TMEM219: variants seen among roughly 807,000 people sequenced by gnomAD.
TMEM219 encodes transmembrane protein 219, also known as insulin-like growth factor-binding protein 3 receptor.
TMEM219 carries 18 observed loss-of-function variants against 17.9 expected under a neutral mutation model. That is an observed-to-expected ratio of 1.01 (90% CI 0.70 to 1.49). The LOEUF is 1.49. Among genes scored for constraint, TMEM219 ranks in the 40% most tolerant of loss-of-function variants. The pLI is 0.00. For synonymous variants in TMEM219, 113 were observed against 124.0 expected (o/e 0.91, Z 0.59); for missense variants, 288 against 292.4 (o/e 0.99, Z 0.11).
intron 5 of TMEM219, chr16:29,971,805 C>T (rs2069293243): frequency 3.0e-6 from 1 of 338,478 alleles, no homozygotes; most frequent in South Asian, 4.9e-5. Flanking sequence ...ATAGTTAACA[C>T]TTATGTAGAA....
Position 29,971,516 on chromosome 16 carries a change from G to T in TMEM219, c.694G>T (p.Glu232Ter), listed in dbSNP as rs1347117039. 1 of 1,613,706 alleles carries T rather than the reference G, an allele frequency of 6.2e-7. No individual in the cohort carries two copies. Among genetic ancestry groups the T allele is most frequent in the Admixed American group, 1.7e-5 (1 of 59,996 alleles). The change falls in exon 5 of 6, where the codon GAG (glutamate) becomes TAG (stop). Residue 232 changes from glutamate to a stop codon, truncating the protein, a stop_gained. Transcript: ENST00000279396. LOFTEE classifies it high-confidence loss of function. ...VTAMCFHPRR[E>*]SHWSRTRL The stretch of plus-strand genomic sequence containing the variant: ...TGCTATGTGCTTCCACCCGCGCCGG[G>T]AGTCCCACTGGTCTAGAACCCGGCT...
chr16:29,962,456 C>T (rs1051507330), intron 1 of TMEM219, among the ~76,000 whole-genome samples: 1 of 152,102 alleles, frequency 6.6e-6, no homozygotes, highest in Non-Finnish European at 1.5e-5. Context: ...AAGCAGGAGG[C>T]GGGGTTCAGA....
Position 29,963,530 on chromosome 16 carries a change from A to G in TMEM219, c.296A>G (p.Asp99Gly). The change falls in exon 3 of 6, where the codon GAC becomes GGC. Residue 99 changes from aspartate (D) to glycine (G), a missense_variant. Coordinates refer to ENST00000279396, the MANE Select transcript of TMEM219 (RefSeq NM_001083613.2). Reference sequence around the variant, plus strand: ...ACCTTGAACTTCGGAGACGGTCCAGACAGGAACAAGACCCGGACATTCCAG... The same window carrying G: ...ACCTTGAACTTCGGAGACGGTCCAGGCAGGAACAAGACCCGGACATTCCAG... ...LTTLNFGDGPDRNKTRTFQAT... is the reference protein window; with the variant it reads ...LTTLNFGDGPGRNKTRTFQAT... 6.2e-7 allele frequency: 1 copy of G among 1,614,160 alleles called. No homozygotes were observed. Among genetic ancestry groups the G allele is most frequent in the East Asian group, 2.2e-5 (1 of 44,880 alleles).
At position 29,963,185 on chromosome 16, in the gene TMEM219, G is replaced by A. The variant is rs768929062; in HGVS notation, c.42G>A (p.Leu14=). The change falls in exon 2 of 6, where the codon CTG becomes CTA. Residue 14 remains leucine (L), a synonymous_variant. Transcript: ENST00000279396. ...CQAGHNLHLC[L]AHHPPLVCAT... ...CAGGGCACAACCTGCACCTGTGTCT[G>A]GCCCACCACCCACCTCTGGTCTGTG... The A allele has an allele frequency of 6.2e-7, 1 of 1,613,488 alleles. No homozygotes were observed. The highest frequency in any genetic ancestry group is 1.7e-5 in the Admixed American group (1 of 60,030).
chr16:29,971,726 G>A (rs2069291966), intron 5 of TMEM219, 148 bp downstream of exon 5: 1 of 639,928 alleles, frequency 1.6e-6, no homozygotes, highest in Non-Finnish European at 2.5e-6. Context: ...TCTCCCTTAG[G>A]GACTGGGAAC....
chr16:29,964,582 A>G (rs1333870444), intron 3 of TMEM219, among the ~76,000 whole-genome samples: 1 of 151,968 alleles, frequency 6.6e-6, no homozygotes, highest in Non-Finnish European at 1.5e-5. Flanking sequence ...AATCGCTTGA[A>G]CCTGGGAGGC....
At position 29,963,440 on chromosome 16, in the gene TMEM219, T is replaced by G; in HGVS notation, c.206T>G (p.Leu69Arg). The G allele has an allele frequency of 1.2e-6, 2 of 1,614,232 alleles. No homozygotes were observed. The highest frequency in any genetic ancestry group is 1.7e-6 in the Non-Finnish European group (2 of 1,180,038). The change falls in exon 3 of 6, where the codon CTG (leucine) becomes CGG (arginine). Residue 69 changes from leucine (L) to arginine (R), a missense_variant. Physicochemically the swap from Leu to Arg is moderately radical, Grantham distance 102 (BLOSUM62 -2). Transcript: ENST00000279396. Reference protein sequence around the residue: ...SFLRSFGQLTLCPRNGTVTGK... With the variant: ...SFLRSFGQLTRCPRNGTVTGK... ...TTGAGATCTTTTGGCCAGCTGACCCTGTGTCCCAGGAATGGGACAGTCACA... is the reference window on the plus strand; with the variant it reads ...TTGAGATCTTTTGGCCAGCTGACCCGGTGTCCCAGGAATGGGACAGTCACA...
At position 29,968,210 on chromosome 16, in the gene TMEM219, G is replaced by A; in HGVS notation, c.541G>A (p.Val181Ile). Residue 181 changes from valine (V) to isoleucine (I), a missense_variant, in exon 4 of 6, where the codon GTC becomes ATC. By Grantham distance (29) the Val-to-Ile change is conservative (BLOSUM62 3). Coordinates refer to ENST00000279396, the MANE Select transcript of TMEM219 (RefSeq NM_001083613.2). Reference sequence around the variant, plus strand: ...TAGAATGGGTGAGGAATGTGTTAGTGTCTGGAGCCATGAAGGCCTTGTGCT... The same window carrying A: ...TAGAATGGGTGAGGAATGTGTTAGTATCTGGAGCCATGAAGGCCTTGTGCT... ...SPRMGEECVSVWSHEGLVLTK... is the reference protein window; with the variant it reads ...SPRMGEECVSIWSHEGLVLTK... 4 of 1,614,216 alleles carry A rather than the reference G, an allele frequency of 2.5e-6. No individual in the cohort carries two copies. Among genetic ancestry groups the A allele is most frequent in the Non-Finnish European group, 3.4e-6 (4 of 1,180,044 alleles).
intron 1 of TMEM219, chr16:29,962,724 G>A (rs2069161375): frequency 5.6e-6 from 1 of 178,866 alleles, no homozygotes; most frequent in African/African-American, 2.4e-5. Context: ...AAGGGATTCA[G>A]ATCTAGCCGT....
At chr16:29,962,998 C>T in intron 1 of TMEM219, 109 bp from the exon 2 acceptor site, 1 of 890,382 alleles carries the variant, frequency 1.1e-6, no homozygotes. Flanking sequence ...CTTGTTCTGG[C>T]TCTGCCACTT....
intron 4 of TMEM219, among the ~76,000 whole-genome samples, chr16:29,970,371 C>T (rs1250623374): frequency 4.8e-5 from 7 of 146,126 alleles, no homozygotes; most frequent in East Asian, 2.1e-4. Flanking sequence ...ATCGCCCAGG[C>T]GGGAGTGCAG....
chr16:29,964,944 A>C (rs1374798856), intron 3 of TMEM219, among the ~76,000 whole-genome samples: 5 of 152,136 alleles, frequency 3.3e-5, no homozygotes, highest in Admixed American at 6.5e-5. Flanking sequence ...GTTTGACCTA[A>C]TGTTTTCTCA....
At chr16:29,967,892 A>G in intron 3 of TMEM219, 133 bp from the exon 4 acceptor site, 1 of 669,418 alleles carries the variant, frequency 1.5e-6, no homozygotes, top group Admixed American at 2.7e-5. Context: ...GCGCCACTGC[A>G]CTCCAGCCTG....
In TMEM219 at chr16:29,963,207, T is replaced by C; in HGVS notation, c.64T>C (p.Cys22Arg). Residue 22 changes from cysteine (C) to arginine (R), a missense_variant, in exon 2 of 6, where the codon TGT becomes CGT. Coordinates refer to ENST00000279396, the MANE Select transcript of TMEM219 (RefSeq NM_001083613.2). ...LCLAHHPPLVCATLILLLLGL... is the reference protein window; with the variant it reads ...LCLAHHPPLVRATLILLLLGL... ...TCTGGCCCACCACCCACCTCTGGTC[T>C]GTGCCACTTTGATCCTGCTGCTCCT... 1.2e-6 allele frequency: 2 copies of C among 1,613,942 alleles called. No homozygotes were observed. Among genetic ancestry groups the C allele is most frequent in the Non-Finnish European group, 1.7e-6 (2 of 1,180,048 alleles).
Position 29,968,105 on chromosome 16 carries a change from G to A in TMEM219, c.436G>A (p.Ala146Thr). 1 of 1,614,138 alleles carries A rather than the reference G, an allele frequency of 6.2e-7. No individual in the cohort carries two copies. Among genetic ancestry groups the A allele is most frequent in the Non-Finnish European group, 8.5e-7 (1 of 1,180,022 alleles). The change falls in exon 4 of 6, where the codon GCT (alanine) becomes ACT (threonine). Residue 146 changes from alanine (A) to threonine (T), a missense_variant. Coordinates refer to ENST00000279396, the MANE Select transcript of TMEM219 (RefSeq NM_001083613.2). ...TGCAGGAACCTGCCTATATTTTAGTGCTGTTCCAGGAATCCTACCCTCCAG... is the reference window on the plus strand; with the variant it reads ...TGCAGGAACCTGCCTATATTTTAGTACTGTTCCAGGAATCCTACCCTCCAG... ...RTAGTCLYFSAVPGILPSSQP... is the reference protein window; with the variant it reads ...RTAGTCLYFSTVPGILPSSQP...
chr16:29,970,699 A>C (rs2069274033), intron 4 of TMEM219, among the ~76,000 whole-genome samples: 1 of 152,072 alleles, frequency 6.6e-6, no homozygotes, highest in Admixed American at 6.6e-5. Flanking sequence ...TCAGGTTGAT[A>C]ATTGGGCAAG....
At chr16:29,971,624 G>C (rs2069290593) in intron 5 of TMEM219, 46 bp downstream of exon 5, 12 of 1,468,738 alleles carry the variant, frequency 8.2e-6, no homozygotes, top group African/African-American at 4.2e-5. Context: ...AATGGGGTGG[G>C]GGTGGGGGTT....
intron 2 of TMEM219, 46 bp downstream of exon 2, chr16:29,963,354 G>T: frequency 1.2e-6 from 2 of 1,613,786 alleles, no homozygotes; most frequent in Non-Finnish European, 1.7e-6. Flanking sequence ...AACCTAGACA[G>T]GCTTTTGCTG....
In TMEM219 at chr16:29,968,017, T is replaced by C. The variant is rs1178326176; in HGVS notation, c.356-8T>C. The C allele has an allele frequency of 6.2e-7, 1 of 1,609,630 alleles. No homozygotes were observed. Among genetic ancestry groups the C allele is most frequent in the South Asian group, 1.1e-5 (1 of 90,992 alleles). ...TTTCTTCCATTTTCTCTTCTGTGCC[T>C]TTCACAGGATCTTCTGCAGGACAAC... On this transcript the variant is annotated splice_region_variant and splice_polypyrimidine_tract_variant and intron_variant, in intron 3 of 5. Transcript: ENST00000279396.
Sources: gnomAD v4.1 joint callset for allele counts (sites outside exome capture counted in the v4.1 genomes callset) on GRCh38, gnomAD v4.1.1 for gene constraint, MANE v1.5 for transcripts, NCBI Gene and HGNC (gene_info 2026-07-23, HGNC 2026-07-21) for gene names.